PATL2: variants seen among roughly 807,000 people sequenced by gnomAD.
PATL2 encodes protein PAT1 homolog 2.
In PATL2, 73 loss-of-function variants were observed where a neutral mutation model predicts 77.0. The observed-to-expected ratio is 0.95, with a 90% CI of 0.78 to 1.15. The LOEUF is 1.15. Ranked by LOEUF, PATL2 falls within the 50% of genes most tolerant of loss-of-function variation. The pLI is 0.00. For synonymous variants in PATL2, 265 were observed against 257.1 expected, an observed-to-expected ratio of 1.03 and a Z score of -0.29; for missense variants, 618 against 655.4, an observed-to-expected ratio of 0.94 and a Z score of 0.62.
At position 44,668,382 on chromosome 15, in the gene PATL2, C is replaced by A. The variant is rs1429969314; in HGVS notation, c.1325G>T (p.Gly442Val). The part of the protein sequence containing the change: ...GLQGLTLLPP[G>V]SSERPVTVVL... ...CACGGTGACTGGCCGCTCTGAGGAG[C>A]CAGGTGGCAACAGCGTTAATCCCTG... Residue 442 changes from glycine (G) to valine (V), a missense_variant, in exon 15 of 18, where the codon GGC (glycine) becomes GTC (valine). Transcript: ENST00000682850. The A allele has an allele frequency of 1.3e-6, 2 of 1,551,058 alleles. No homozygotes were observed. Among genetic ancestry groups the A allele is most frequent in the South Asian group, 2.4e-5 (2 of 84,042 alleles).
chr15:44,690,254 G>C (rs2086360094), intron 3 of PATL2, among the ~76,000 whole-genome samples: 3 of 152,130 alleles, frequency 2.0e-5, no homozygotes, highest in Non-Finnish European at 4.4e-5. Context: ...AAATCCATAG[G>C]CTATGAAGGG....
At chr15:44,681,379 T>A (rs1234436248) in intron 3 of PATL2, among the ~76,000 whole-genome samples, 3 of 152,182 alleles carry the variant, frequency 2.0e-5, no homozygotes, top group Non-Finnish European at 4.4e-5. Flanking sequence ...CTGACATCTC[T>A]ACAGCATTCA....
chr15:44,669,691 C>T, intron 11 of PATL2, 86 bp downstream of exon 11: 1 of 1,512,180 alleles, frequency 6.6e-7, no homozygotes, highest in Non-Finnish European at 9.0e-7. Flanking sequence ...CTTCCTCCTT[C>T]TTCGGTCACA....
chr15:44,675,383 T>A, intron 5 of PATL2, 103 bp downstream of exon 5: 1 of 1,312,204 alleles, frequency 7.6e-7, no homozygotes, highest in Non-Finnish European at 1.0e-6. Context: ...ATCCAGAACT[T>A]GTCTTAGAAA....
At chr15:44,692,963 G>A (rs1170799778) in intron 3 of PATL2, among the ~76,000 whole-genome samples, 1 of 152,208 alleles carries the variant, frequency 6.6e-6, no homozygotes, top group Admixed American at 6.5e-5. Context: ...GAAGACCAGG[G>A]CTCCTGACCA....
chr15:44,699,524 G>A (rs571119108), intron 3 of PATL2, among the ~76,000 whole-genome samples: 88 of 152,006 alleles, frequency 5.8e-4, no homozygotes, highest in Non-Finnish European at 9.6e-4. Flanking sequence ...ATTTTTAGTA[G>A]AGACAGGGTT....
At chr15:44,673,993 C>T (rs1324908620) in intron 6 of PATL2, among the ~76,000 whole-genome samples, 157 bp downstream of exon 6, 1 of 152,188 alleles carries the variant, frequency 6.6e-6, no homozygotes, top group Non-Finnish European at 1.5e-5. Context: ...CACACCACCT[C>T]TGTCATTTAT....
At chr15:44,700,463 C>A (rs927546226) in intron 3 of PATL2, among the ~76,000 whole-genome samples, 1 of 151,816 alleles carries the variant, frequency 6.6e-6, no homozygotes, top group Non-Finnish European at 1.5e-5. Context: ...CACCACACCT[C>A]GCTAATTTTT....
intron 3 of PATL2, among the ~76,000 whole-genome samples, chr15:44,704,309 C>G (rs1204329290): frequency 6.6e-6 from 1 of 152,048 alleles, no homozygotes; most frequent in East Asian, 1.9e-4. Flanking sequence ...AGCCACCACT[C>G]CTGGCCCCTG....
intron 3 of PATL2, among the ~76,000 whole-genome samples, chr15:44,690,991 T>C (rs983363715): frequency 5.9e-5 from 9 of 151,800 alleles, no homozygotes; most frequent in African/African-American, 2.2e-4. Context: ...GCTTTTTACT[T>C]TTTCAAATAG....
At chr15:44,708,264 G>A (rs1266950542) in intron 3 of PATL2, among the ~76,000 whole-genome samples, 1 of 152,130 alleles carries the variant, frequency 6.6e-6, no homozygotes, top group Non-Finnish European at 1.5e-5. Flanking sequence ...TCAATTTGGT[G>A]TTCCTGCAGG....
intron 3 of PATL2, among the ~76,000 whole-genome samples, chr15:44,690,227 C>T (rs1429325940): frequency 6.6e-6 from 1 of 152,096 alleles, no homozygotes; most frequent in Non-Finnish European, 1.5e-5. Flanking sequence ...AAAGACGGAC[C>T]TTCTAACTAT....
At chr15:44,669,478 T>C in intron 12 of PATL2, 32 bp downstream of exon 12, 1 of 1,550,256 alleles carries the variant, frequency 6.5e-7, no homozygotes, top group Non-Finnish European at 8.7e-7. Flanking sequence ...AAGGTAGGTT[T>C]GGAACTCGTC....
At chr15:44,667,311 T>C (rs1595954615) in intron 15 of PATL2, 108 bp from the exon 16 acceptor site, 6 of 807,204 alleles carry the variant, frequency 7.4e-6, no homozygotes, top group East Asian at 5.4e-5. Context: ...CATTTAGAGA[T>C]AGAGCTCAAA....
In PATL2 at chr15:44,672,106, A is replaced by C. The variant is rs1156737044; in HGVS notation, c.566T>G (p.Leu189Arg). Reference sequence around the variant, plus strand: ...CCAGTCCTTCTCTTTTCTGGTCATGAGGTTAGCATAGGGGTCTGGCTGCTG... The same window carrying C: ...CCAGTCCTTCTCTTTTCTGGTCATGCGGTTAGCATAGGGGTCTGGCTGCTG... ...WSQQPDPYAN[L>R]MTRKEKDWVI... The change falls in exon 9 of 18, where the codon CTC (leucine) becomes CGC (arginine). Residue 189 changes from leucine (L) to arginine (R), a missense_variant. Transcript: ENST00000682850. 1 of 1,551,554 alleles carries C rather than the reference A, an allele frequency of 6.4e-7. No individual in the cohort carries two copies. Among genetic ancestry groups the C allele is most frequent in the East Asian group, 2.4e-5 (1 of 40,910 alleles).
chr15:44,669,788 T>C lies in PATL2; in HGVS notation c.865A>G (p.Thr289Ala). 1.3e-6 allele frequency: 2 copies of C among 1,551,598 alleles called. No individual in the cohort carries two copies. Among genetic ancestry groups the C allele is most frequent in the Non-Finnish European group, 1.7e-6 (2 of 1,146,958 alleles). The change falls in exon 11 of 18, where the codon ACT becomes GCT. Residue 289 changes from threonine (T) to alanine (A), a missense_variant. Physicochemically the swap from Thr to Ala is moderately conservative, Grantham distance 58. Transcript: ENST00000682850. ...GATAGTGCTCCCACCTGCTCTTGAGTTCCATGGGGTACCGCATCAATAGCT... is the reference window on the plus strand; with the variant it reads ...GATAGTGCTCCCACCTGCTCTTGAGCTCCATGGGGTACCGCATCAATAGCT... The part of the protein sequence containing the change: ...RRAIDAVPHG[T>A]QEQDIEAASS...
At chr15:44,700,533 C>T (rs1186570770) in intron 3 of PATL2, among the ~76,000 whole-genome samples, 1 of 152,092 alleles carries the variant, frequency 6.6e-6, no homozygotes, top group Non-Finnish European at 1.5e-5. Flanking sequence ...AACTCCTGAC[C>T]TCAAGTGATC....
At chr15:44,690,631 C>G (rs190884161) in intron 3 of PATL2, among the ~76,000 whole-genome samples, 9 of 152,036 alleles carry the variant, frequency 5.9e-5, no homozygotes, top group Middle Eastern at 3.4e-3. Flanking sequence ...AGCCACCATG[C>G]CTTTATTTTT....
intron 3 of PATL2, among the ~76,000 whole-genome samples, chr15:44,687,662 A>C (rs1330903369): frequency 2.0e-5 from 3 of 151,496 alleles, no homozygotes; most frequent in African/African-American, 7.3e-5. Flanking sequence ...AAAACCCCAT[A>C]GTCTCAGCCC....
Sources: allele counts gnomAD v4.1 joint callset (sites outside exome capture counted in the v4.1 genomes callset), GRCh38; gene constraint gnomAD v4.1.1; transcripts MANE v1.5; gene names NCBI Gene and HGNC (gene_info 2026-07-23, HGNC 2026-07-21).